The following MACROD2 variants were observed in gnomAD, a reference collection of about 807,000 sequenced individuals.
MACROD2 encodes the protein ADP-ribose glycohydrolase MACROD2.
Under a neutral mutation model 70.4 loss-of-function variants are expected in MACROD2, and 36 were observed. That is an observed-to-expected ratio of 0.51 (90% CI 0.39 to 0.68). The LOEUF is 0.68. Ranked by LOEUF, MACROD2 falls within the 30% of genes least tolerant of loss-of-function variation. The probability of loss-of-function intolerance (pLI) is 0.00; values close to 1 mark genes in which losing one functional copy is unlikely to be tolerated. For synonymous variants in MACROD2, 172 were observed against 178.8 expected (o/e 0.96, Z 0.30); for missense variants, 496 against 538.4 (o/e 0.92, Z 0.78).
intron 17 of MACROD2, among the ~76,000 whole-genome samples, chr20:16,048,331 CAAAT>C (rs1449758336): frequency 1.1e-4 from 16 of 151,350 alleles, no homozygotes; most frequent in Admixed American, 1.3e-4. Context: ...AATGACAAAA[CAAAT>C]AAAAGCAGAC....
intron 7 of MACROD2, among the ~76,000 whole-genome samples, chr20:15,466,255 G>A (rs1166945134): frequency 6.6e-6 from 1 of 152,096 alleles, no homozygotes; most frequent in Non-Finnish European, 1.5e-5. Flanking sequence ...TAAATGCTTT[G>A]ATCTATTTAG....
intron 8 of MACROD2, among the ~76,000 whole-genome samples, chr20:15,850,660 G>C (rs1241968336): frequency 6.6e-6 from 1 of 152,180 alleles, no homozygotes; most frequent in African/African-American, 2.4e-5. Flanking sequence ...TTGGCTCTGG[G>C]TGGCTTTGGC....
intron 3 of MACROD2, among the ~76,000 whole-genome samples, chr20:14,312,105 C>T (rs190228344): frequency 1.1e-4 from 17 of 152,060 alleles, no homozygotes; most frequent in Non-Finnish European, 1.5e-4. Flanking sequence ...TATTCTTCTC[C>T]GGTTCTGTGT....
intron 6 of MACROD2, among the ~76,000 whole-genome samples, chr20:15,427,885 A>T (rs2046319126): frequency 6.6e-6 from 1 of 152,214 alleles, no homozygotes; most frequent in Admixed American, 6.5e-5. Context: ...GGAACATTTG[A>T]CAATGTCTAG....
At chr20:14,446,618 C>A (rs1313103210) in intron 3 of MACROD2, among the ~76,000 whole-genome samples, 5 of 151,996 alleles carry the variant, frequency 3.3e-5, no homozygotes, top group Non-Finnish European at 7.4e-5. Context: ...TGACTCAGGG[C>A]CTCCCAGTTC....
At chr20:15,193,706 C>G (rs1346132616) in intron 5 of MACROD2, among the ~76,000 whole-genome samples, 1 of 151,896 alleles carries the variant, frequency 6.6e-6, no homozygotes, top group African/African-American at 2.4e-5. Flanking sequence ...GTCTTGCACG[C>G]TGGCTCCCAC....
At chr20:15,674,030 T>A (rs1052166632) in intron 8 of MACROD2, among the ~76,000 whole-genome samples, 2 of 152,182 alleles carry the variant, frequency 1.3e-5, no homozygotes, top group Non-Finnish European at 2.9e-5. Context: ...TAAACTTGCA[T>A]GTGCGTATGA....
intron 4 of MACROD2, among the ~76,000 whole-genome samples, chr20:14,601,741 T>C (rs1179012295): frequency 6.6e-6 from 1 of 152,128 alleles, no homozygotes; most frequent in Non-Finnish European, 1.5e-5. Context: ...ACTCCTTACT[T>C]AGGTTCTTTA....
At chr20:15,533,033 CTA>C (rs2047825795) in intron 8 of MACROD2, among the ~76,000 whole-genome samples, 1 of 152,144 alleles carries the variant, frequency 6.6e-6, no homozygotes, top group African/African-American at 2.4e-5. Flanking sequence ...TGCACCATTT[CTA>C]TGTCTTCATT....
At chr20:15,414,363 T>C (rs1185371764) in intron 6 of MACROD2, among the ~76,000 whole-genome samples, 1 of 152,248 alleles carries the variant, frequency 6.6e-6, no homozygotes, top group East Asian at 1.9e-4. Flanking sequence ...AATTTTCATT[T>C]TAACCAGATC....
At chr20:14,625,191 G>A (rs1473049386) in intron 4 of MACROD2, among the ~76,000 whole-genome samples, 4 of 152,036 alleles carry the variant, frequency 2.6e-5, no homozygotes, top group Non-Finnish European at 5.9e-5. Flanking sequence ...GCTAGGCATG[G>A]TGGCAGGCGC....
chr20:14,798,701 T>A (rs1427823558), intron 5 of MACROD2, among the ~76,000 whole-genome samples: 1 of 152,092 alleles, frequency 6.6e-6, no homozygotes, highest in Non-Finnish European at 1.5e-5. Context: ...ATCCTTTCAT[T>A]TCTTTGAAGT....
chr20:14,697,682 C>T (rs1203835192), intron 5 of MACROD2, among the ~76,000 whole-genome samples: 2 of 151,996 alleles, frequency 1.3e-5, no homozygotes, highest in Non-Finnish European at 2.9e-5. Context: ...AATAAGGGAT[C>T]GATATTTTAA....
At chr20:14,844,883 C>T (rs900490577) in intron 5 of MACROD2, among the ~76,000 whole-genome samples, 8 of 152,046 alleles carry the variant, frequency 5.3e-5, no homozygotes, top group Admixed American at 2.6e-4. Flanking sequence ...CCTTCTTAAA[C>T]GTATCTCCCT....
intron 3 of MACROD2, among the ~76,000 whole-genome samples, chr20:14,154,552 AT>A (rs869299523): frequency 4.7e-5 from 5 of 106,652 alleles, no homozygotes; most frequent in Non-Finnish European, 9.4e-5. Flanking sequence ...CGCCCGGCTA[AT>A]TTTTTTTTTT....
intron 3 of MACROD2, among the ~76,000 whole-genome samples, chr20:14,335,113 A>G (rs984792829): frequency 1.3e-5 from 2 of 152,212 alleles, no homozygotes; most frequent in African/African-American, 4.8e-5. Flanking sequence ...AAACTGTTCA[A>G]AATAATCCAG....
At chr20:15,006,407 A>G (rs2075037982) in intron 5 of MACROD2, among the ~76,000 whole-genome samples, 1 of 152,032 alleles carries the variant, frequency 6.6e-6, no homozygotes, top group Admixed American at 6.6e-5. Flanking sequence ...TAAAATGAGT[A>G]GGTTCTGGAG....
chr20:14,004,865 G>A (rs1448239661), intron 2 of MACROD2, among the ~76,000 whole-genome samples: 3 of 151,894 alleles, frequency 2.0e-5, no homozygotes, highest in East Asian at 1.9e-4. Context: ...AATATTTATC[G>A]GGTTAGAACA....
chr20:14,856,464 G>T (rs952979813), intron 5 of MACROD2, among the ~76,000 whole-genome samples: 1 of 152,112 alleles, frequency 6.6e-6, no homozygotes, highest in African/African-American at 2.4e-5. Flanking sequence ...ACGCCCTATT[G>T]AATTTGTGTC....
Sources: allele counts gnomAD v4.1 joint callset (sites outside exome capture counted in the v4.1 genomes callset), GRCh38; gene constraint gnomAD v4.1.1; transcripts MANE v1.5; gene names NCBI Gene and HGNC (gene_info 2026-07-23, HGNC 2026-07-21).